The following ACSF3 variants were observed in gnomAD, a reference collection of about 807,000 sequenced individuals.
The protein encoded by ACSF3 is acyl-CoA synthetase family member 3.
ACSF3 carries 78 observed loss-of-function variants against 53.2 expected under a neutral mutation model. The ratio of observed to expected loss-of-function variants is 1.47; its 90% CI spans 1.22 to 1.77. ACSF3 has a LOEUF of 1.77. Ranked by LOEUF, ACSF3 falls within the 40% of genes most tolerant of loss-of-function variation. ACSF3 has a pLI of 0.00. For missense variants in ACSF3, 937 were observed against 771.1 expected (o/e 1.22, Z -2.55); for synonymous variants, 414 against 333.1 (o/e 1.24, Z -2.65).
intron 1 of ACSF3, among the ~76,000 whole-genome samples, chr16:89,097,843 A>G (rs1478343334): frequency 6.6e-6 from 1 of 152,156 alleles, no homozygotes; most frequent in Non-Finnish European, 1.5e-5. Flanking sequence ...GTTTGGTAGG[A>G]TTCAGAGAAG....
intron 8 of ACSF3, among the ~76,000 whole-genome samples, chr16:89,138,766 C>T (rs993971131): frequency 1.2e-4 from 18 of 152,264 alleles, no homozygotes; most frequent in African/African-American, 4.3e-4. Context: ...GCCTGCAGGG[C>T]CACCAGGCCC....
chr16:89,149,798 T>G (rs1447464647), intron 10 of ACSF3: 1 of 152,140 alleles, frequency 6.6e-6, no homozygotes, highest in Non-Finnish European at 1.5e-5. Context: ...TTAAAAAGCA[T>G]TATTCAGAAA....
chr16:89,099,795 G>C (rs1373737682), intron 2 of ACSF3, among the ~76,000 whole-genome samples: 1 of 151,324 alleles, frequency 6.6e-6, no homozygotes, highest in Admixed American at 6.6e-5. Flanking sequence ...TAGATAGATA[G>C]ATAGACAGAG....
rs4782458 is a variant in ACSF3, at chr16:89,102,527, G to C, written c.667-77G>C. The C allele has an allele frequency of 0.75, 1,185,326 of 1,572,888 alleles. 452,216 individuals carry two copies. Among genetic ancestry groups the C allele is most frequent in the Admixed American group, 0.81 (48,364 of 59,680 alleles). On this transcript the variant is annotated intron_variant, in intron 3 of 10. Coordinates refer to ENST00000614302, the MANE Select transcript of ACSF3 (RefSeq NM_001243279.3). ...GTGGGGAGGCCCAGAGCTCCTTTCC[G>C]TGAGCCCGAGGTCTGTGTGTGCTGT...
At chr16:89,124,343 G>A (rs1907460375) in intron 7 of ACSF3, among the ~76,000 whole-genome samples, 1 of 152,142 alleles carries the variant, frequency 6.6e-6, no homozygotes, top group African/African-American at 2.4e-5. Flanking sequence ...CACACTACAT[G>A]TATGTGTGTG....
At chr16:89,117,541 C>A (rs945640744) in intron 6 of ACSF3, among the ~76,000 whole-genome samples, 1 of 151,634 alleles carries the variant, frequency 6.6e-6, no homozygotes, top group African/African-American at 2.4e-5. Context: ...AGGAGCAGCC[C>A]GGGGACTGCT....
intron 8 of ACSF3, among the ~76,000 whole-genome samples, chr16:89,143,740 CTCT>C (rs1912339307): frequency 9.9e-5 from 15 of 152,118 alleles, no homozygotes; most frequent in Admixed American, 9.8e-4. Flanking sequence ...GTCGGGGAGC[CTCT>C]GGTTTTTCTG....
chr16:89,133,647 T>C (rs1909809711), intron 8 of ACSF3, among the ~76,000 whole-genome samples: 1 of 152,194 alleles, frequency 6.6e-6, no homozygotes, highest in South Asian at 2.1e-4. Context: ...ACCTCCGAGG[T>C]GTACCCCTGT....
chr16:89,099,846 G>C (rs1349669704), intron 2 of ACSF3, among the ~76,000 whole-genome samples: 2 of 150,496 alleles, frequency 1.3e-5, no homozygotes, highest in East Asian at 3.9e-4. Context: ...AAGAGAGAGA[G>C]AGAAAGGAAA....
At chr16:89,115,688 G>C (rs1220050526) in intron 6 of ACSF3, among the ~76,000 whole-genome samples, 1 of 152,232 alleles carries the variant, frequency 6.6e-6, no homozygotes, top group African/African-American at 2.4e-5. Context: ...CTGTTCTCCA[G>C]AGCGGCTACA....
chr16:89,127,630 T>C (rs1193427476), intron 7 of ACSF3, among the ~76,000 whole-genome samples: 1 of 152,184 alleles, frequency 6.6e-6, no homozygotes, highest in Non-Finnish European at 1.5e-5. Flanking sequence ...CCTCCCAAAG[T>C]GCTAGGGTTA....
chr16:89,114,976 C>T (rs1904838350), intron 6 of ACSF3: 1 of 260,366 alleles, frequency 3.8e-6, no homozygotes, highest in African/African-American at 2.2e-5. Flanking sequence ...CTCCTGATAC[C>T]GGGCCCCTCT....
chr16:89,105,154 G>T (rs1433715570), intron 4 of ACSF3, among the ~76,000 whole-genome samples: 1 of 132,992 alleles, frequency 7.5e-6, no homozygotes, highest in East Asian at 2.1e-4. Context: ...CCACATTCTT[G>T]TTGGCTTCAG....
intron 10 of ACSF3, among the ~76,000 whole-genome samples, 163 bp downstream of exon 10, chr16:89,146,212 G>T (rs935885372): frequency 6.6e-6 from 1 of 152,204 alleles, no homozygotes; most frequent in African/African-American, 2.4e-5. Flanking sequence ...CACACAGCAG[G>T]TAGAGACGAG....
At chr16:89,098,391 G>C (rs1351331220) in intron 1 of ACSF3, among the ~76,000 whole-genome samples, 200 bp from the exon 2 acceptor site, 1 of 152,254 alleles carries the variant, frequency 6.6e-6, no homozygotes, top group East Asian at 1.9e-4. Context: ...AGGGGGCGTG[G>C]TGTGTGGGAG....
chr16:89,101,187 C>T lies in ACSF3; in HGVS notation c.506C>T (p.Pro169Leu), dbSNP rs377732201. The change falls in exon 3 of 11, where the codon CCG becomes CTG. Residue 169 changes from proline to leucine, a missense_variant. Physicochemically the swap from Pro to Leu is moderately conservative, Grantham distance 98. Coordinates refer to ENST00000614302, the MANE Select transcript of ACSF3 (RefSeq NM_001243279.3). ...VVRKLGVPLL[P>L]LTPAIYTGAV... ...AGGAAGCTGGGGGTCCCGCTGCTGC[C>T]GCTCACACCAGCCATCTACACTGGA... The T allele has an allele frequency of 2.6e-5, 42 of 1,609,752 alleles. No homozygotes were observed. Among genetic ancestry groups the T allele is most frequent in the East Asian group, 1.6e-4 (7 of 44,774 alleles).
chr16:89,118,070 C>T (rs72817459), intron 6 of ACSF3, among the ~76,000 whole-genome samples: 4,110 of 147,850 alleles, frequency 0.028, 58 homozygotes, highest in East Asian at 0.12. Flanking sequence ...CAGGTTCCCT[C>T]GGGCGCCGGG....
chr16:89,096,988 G>C (rs1194037944), intron 1 of ACSF3, among the ~76,000 whole-genome samples: 2 of 150,286 alleles, frequency 1.3e-5, no homozygotes, highest in Non-Finnish European at 2.9e-5. Flanking sequence ...TGCACTTTGA[G>C]TTTGCCCAGC....
chr16:89,147,862 C>T (rs928813336), intron 10 of ACSF3: 6 of 152,176 alleles, frequency 3.9e-5, no homozygotes, highest in African/African-American at 1.4e-4. Context: ...CTCATTTCAG[C>T]ATTAATTCAG....
Sources: allele counts gnomAD v4.1 joint callset (sites outside exome capture counted in the v4.1 genomes callset), GRCh38; gene constraint gnomAD v4.1.1; transcripts MANE v1.5; gene names NCBI Gene and HGNC (gene_info 2026-07-23, HGNC 2026-07-21).